LIMCH1: variants seen among roughly 807,000 people sequenced by gnomAD.
The protein encoded by LIMCH1 is LIM and calponin homology domains-containing protein 1.
A neutral mutation model predicts 176.5 loss-of-function variants in LIMCH1; 113 were observed. That is an observed-to-expected ratio of 0.64 (90% CI 0.55 to 0.75). The LOEUF is 0.75. Among genes scored for constraint, LIMCH1 ranks in the 30% least tolerant of loss-of-function variants. LIMCH1 has a pLI of 0.00. For missense variants in LIMCH1, 1,674 were observed against 1,814.9 expected (o/e 0.92, Z 1.41); for synonymous variants, 619 against 645.9 (o/e 0.96, Z 0.63).
chr4:41,699,480 T>C lies in LIMCH1; in HGVS notation c.*2295T>C, dbSNP rs1286569237. 1 of 152,138 alleles carries C rather than the reference T, an allele frequency of 6.6e-6. No homozygotes were observed. Among genetic ancestry groups the C allele is most frequent in the East Asian group, 1.9e-4 (1 of 5,202 alleles). 9.4% of individuals were successfully genotyped at this position (152,138 alleles called of 1,614,324 possible). On this transcript the variant is annotated 3_prime_UTR_variant, in exon 32 of 32. Coordinates refer to ENST00000503057, the MANE Select transcript of LIMCH1 (RefSeq NM_001330672.2). ...TATATTTCATTTGGAGTCTGTTACA[T>C]GGCAGCTTAGGCAGACTAGATCTTG...
chr4:41,617,790 C>T (rs1020486338), intron 5 of LIMCH1, among the ~76,000 whole-genome samples: 2 of 152,182 alleles, frequency 1.3e-5, no homozygotes, highest in Non-Finnish European at 1.5e-5. Context: ...AAAGGACAGT[C>T]AAGTGTGTTA....
intron 2 of LIMCH1, among the ~76,000 whole-genome samples, chr4:41,503,859 T>C (rs1384731455): frequency 6.6e-6 from 1 of 152,158 alleles, no homozygotes; most frequent in Admixed American, 6.5e-5. Flanking sequence ...CCAGCCTTTT[T>C]ACCTCCCTCT....
At chr4:41,408,992 T>C (rs907221746) in intron 1 of LIMCH1, among the ~76,000 whole-genome samples, 1 of 152,232 alleles carries the variant, frequency 6.6e-6, no homozygotes, top group African/African-American at 2.4e-5. Context: ...TATTTGCAGC[T>C]ATATCCTGAT....
intron 14 of LIMCH1, among the ~76,000 whole-genome samples, chr4:41,642,723 T>C (rs144404769): frequency 4.0e-5 from 5 of 125,962 alleles, no homozygotes; most frequent in African/African-American, 1.3e-4. Flanking sequence ...CATGCCTAAT[T>C]TTTTTTCTTT....
At chr4:41,592,698 G>T (rs965188747) in intron 1 of LIMCH1, among the ~76,000 whole-genome samples, 1 of 152,134 alleles carries the variant, frequency 6.6e-6, no homozygotes, top group Non-Finnish European at 1.5e-5. Flanking sequence ...ATCCCCACAG[G>T]TCGATAGCAT....
chr4:41,533,331 G>T (rs532190155), upstream of LIMCH1, among the ~76,000 whole-genome samples: 2 of 152,194 alleles, frequency 1.3e-5, no homozygotes, highest in Non-Finnish European at 2.9e-5. Context: ...TCCCACAAGG[G>T]TCTGAATGCC....
chr4:41,375,213 T>C (rs145090080), intron 1 of LIMCH1, among the ~76,000 whole-genome samples: 29 of 152,310 alleles, frequency 1.9e-4, no homozygotes, highest in Non-Finnish European at 4.0e-4. Context: ...TGACTACTTC[T>C]TGGAGGTGAG....
At chr4:41,589,855 T>C (rs2087173913) in intron 1 of LIMCH1, among the ~76,000 whole-genome samples, 1 of 152,166 alleles carries the variant, frequency 6.6e-6, no homozygotes, top group Non-Finnish European at 1.5e-5. Context: ...AAGTCCCTGA[T>C]GAGCTAGGGC....
chr4:41,603,819 T>A, intron 2 of LIMCH1, 56 bp from the exon 3 acceptor site: 1 of 1,261,006 alleles, frequency 7.9e-7, no homozygotes, highest in South Asian at 1.3e-5. Context: ...TAAGGAAAGG[T>A]CACAATTTAG....
chr4:41,646,071 G>A (rs1273124640), intron 15 of LIMCH1, 52 bp from the exon 16 acceptor site: 2 of 1,536,606 alleles, frequency 1.3e-6, no homozygotes, highest in Non-Finnish European at 8.8e-7. Flanking sequence ...GAATAGAAAT[G>A]GAATTATGCA....
chr4:41,625,222 C>T (rs913729838), intron 7 of LIMCH1, among the ~76,000 whole-genome samples: 4 of 152,028 alleles, frequency 2.6e-5, no homozygotes, highest in African/African-American at 9.7e-5. Flanking sequence ...GCAGGGTTGT[C>T]ATGAAAGTTA....
chr4:41,529,248 A>G (rs779817762), intron 3 of LIMCH1, among the ~76,000 whole-genome samples: 14 of 152,210 alleles, frequency 9.2e-5, no homozygotes, highest in Non-Finnish European at 1.3e-4. Flanking sequence ...GTTTTGTGCA[A>G]AAGCCATGAA....
chr4:41,579,044 G>T (rs985051610), intron 1 of LIMCH1, among the ~76,000 whole-genome samples: 2 of 139,168 alleles, frequency 1.4e-5, no homozygotes, highest in African/African-American at 3.1e-5. Context: ...GAAGAAAAAT[G>T]TGTGATTTTT....
chr4:41,521,194 CT>C (rs1253833203), intron 2 of LIMCH1, among the ~76,000 whole-genome samples: 1 of 152,146 alleles, frequency 6.6e-6, no homozygotes, highest in Non-Finnish European at 1.5e-5. Flanking sequence ...TGAGGTTGGA[CT>C]TTCTAAAGCA....
rs199986240 is a variant in LIMCH1 at position 41,633,644 on chromosome 4, C to G, written c.1926C>G (p.Gly642=). The G allele has an allele frequency of 8.5e-6, 13 of 1,535,982 alleles. No homozygotes were observed. In the South Asian group the frequency reaches 1.1e-4, roughly 13 times the overall value. ...CCTGGAGTGGCAGTGGACTGAAAGG[C>G]CAGCGAAAGTTGGATGATTCACGAA... ...APAWSGSGLK[G]QRKLDDSRKD... Residue 642 remains glycine (G), a synonymous_variant, in exon 13 of 32, where the codon GGC becomes GGG. Coordinates refer to ENST00000503057, the MANE Select transcript of LIMCH1 (RefSeq NM_001330672.2).
intron 1 of LIMCH1, among the ~76,000 whole-genome samples, chr4:41,430,568 T>C (rs2061514967): frequency 6.6e-6 from 1 of 152,240 alleles, no homozygotes; most frequent in Non-Finnish European, 1.5e-5. Context: ...CCTGCCCCCA[T>C]CTCTGTATTT....
intron 1 of LIMCH1, among the ~76,000 whole-genome samples, chr4:41,395,229 ATT>A (rs757933680): frequency 6.1e-5 from 8 of 130,870 alleles, no homozygotes; most frequent in Non-Finnish European, 3.2e-5. Context: ...GTAGAAGTTA[ATT>A]TTTTTTTTTT....
At chr4:41,582,483 G>C (rs1485666592) in intron 1 of LIMCH1, among the ~76,000 whole-genome samples, 4 of 152,198 alleles carry the variant, frequency 2.6e-5, no homozygotes, top group African/African-American at 9.6e-5. Flanking sequence ...TATATGCTAT[G>C]TGCCTAAATT....
chr4:41,563,546 T>C (rs192408039), intron 1 of LIMCH1, among the ~76,000 whole-genome samples: 166 of 152,288 alleles, frequency 1.1e-3, no homozygotes, highest in Non-Finnish European at 1.7e-3. Flanking sequence ...TGATAGATGC[T>C]AAAAAGTAGA....
Sources: allele counts gnomAD v4.1 joint callset (sites outside exome capture counted in the v4.1 genomes callset), GRCh38; gene constraint gnomAD v4.1.1; transcripts MANE v1.5; gene names NCBI Gene and HGNC (gene_info 2026-07-23, HGNC 2026-07-21).